The following GRIN2A variants were observed in gnomAD, a reference collection of about 807,000 sequenced individuals.
The protein encoded by GRIN2A is glutamate ionotropic receptor NMDA type subunit 2A, also known as glutamate receptor ionotropic, NMDA 2A.
A neutral mutation model predicts 113.4 loss-of-function variants in GRIN2A; 22 were observed. That is an observed-to-expected ratio of 0.19 (90% CI 0.14 to 0.28). The LOEUF is 0.28. Ranked by LOEUF, GRIN2A falls within the 10% of genes least tolerant of loss-of-function variation. The probability of loss-of-function intolerance (pLI) is 1.00; values close to 1 mark genes in which losing one functional copy is unlikely to be tolerated. For missense variants in GRIN2A, 1,502 were observed against 1,887.0 expected, an observed-to-expected ratio of 0.80 and a Z score of 3.78; for synonymous variants, 827 against 738.4, an observed-to-expected ratio of 1.12 and a Z score of -1.94.
At chr16:9,787,665 G>A (rs1430523039) in intron 11 of GRIN2A, among the ~76,000 whole-genome samples, 2 of 152,216 alleles carry the variant, frequency 1.3e-5, no homozygotes. Flanking sequence ...CAAGGACTGA[G>A]ATGATTTTGT....
At chr16:10,105,203 C>A (rs146369362) in intron 2 of GRIN2A, among the ~76,000 whole-genome samples, 1,815 of 152,182 alleles carry the variant, frequency 0.012, 32 homozygotes, top group African/African-American at 0.04. Context: ...GACAAAAAGC[C>A]TAAGGATCCT....
intron 11 of GRIN2A, among the ~76,000 whole-genome samples, chr16:9,787,418 T>G (rs1596405228): frequency 6.6e-6 from 1 of 152,216 alleles, no homozygotes. Context: ...CTACCCCACT[T>G]CGGGTTATCC....
chr16:9,754,969 A>T lies in GRIN2A; in HGVS notation c.*8180T>A. Reference sequence around the variant, plus strand: ...AATTAACCTCATTAATTTGAAAGGCAGCTGTGGTATTGGCTATGAGTTATG... The same window carrying T: ...AATTAACCTCATTAATTTGAAAGGCTGCTGTGGTATTGGCTATGAGTTATG... On this transcript the variant is annotated 3_prime_UTR_variant, in exon 13 of 13. Coordinates refer to ENST00000330684, the MANE Select transcript of GRIN2A (RefSeq NM_001134407.3). 1 of 210,204 alleles carries T rather than the reference A, an allele frequency of 4.8e-6. No homozygotes were observed. Among genetic ancestry groups the T allele is most frequent in the East Asian group, 7.2e-5 (1 of 13,940 alleles). The allele number at this position is 210,204 out of a possible 1,614,324, so 13.0% of individuals were successfully genotyped here.
intron 11 of GRIN2A, among the ~76,000 whole-genome samples, chr16:9,782,272 G>A (rs764321674): frequency 5.3e-5 from 8 of 152,038 alleles, no homozygotes; most frequent in Non-Finnish European, 1.2e-4. Context: ...ATTGCATTAG[G>A]TATTATAAGT....
intron 2 of GRIN2A, among the ~76,000 whole-genome samples, chr16:9,966,077 A>G (rs1458229650): frequency 1.3e-5 from 2 of 152,182 alleles, no homozygotes; most frequent in East Asian, 3.9e-4. Flanking sequence ...GCACTTATAG[A>G]GAATTGATCT....
chr16:9,953,248 T>G (rs1388187196), intron 2 of GRIN2A, among the ~76,000 whole-genome samples: 2 of 152,032 alleles, frequency 1.3e-5, no homozygotes, highest in Non-Finnish European at 2.9e-5. Flanking sequence ...GCAGGGAGAT[T>G]GGGGAGTGAA....
intron 10 of GRIN2A, among the ~76,000 whole-genome samples, chr16:9,806,094 C>T (rs563849513): frequency 7.9e-5 from 12 of 152,312 alleles, no homozygotes; most frequent in Non-Finnish European, 1.6e-4. Context: ...TTTAATTCCT[C>T]GATCGATGTC....
In GRIN2A at chr16:10,114,561, G is replaced by T. The variant is rs371589990; in HGVS notation, c.414+65437C>A. 2.0e-5 allele frequency among the ~76,000 whole-genome samples: 3 copies of T among 152,292 alleles called. No individual in the cohort carries two copies. The East Asian group carries it at 5.8e-4, about 29-fold the overall frequency. The stretch of plus-strand genomic sequence containing the variant: ...GTGTCCCCAGAAACCCGCAGGCACC[G>T]GTCCCAGCGATCCCAGGAAGTGAAT... On this transcript the variant is annotated intron_variant, in intron 2 of 12. Transcript: ENST00000330684.
chr16:10,103,518 T>C (rs564582654), intron 2 of GRIN2A, among the ~76,000 whole-genome samples: 1 of 152,296 alleles, frequency 6.6e-6, no homozygotes, highest in South Asian at 2.1e-4. Context: ...CTTCTTGAAG[T>C]TTTATGGCTA....
At chr16:10,026,882 T>A (rs1185460639) in intron 2 of GRIN2A, among the ~76,000 whole-genome samples, 1 of 152,178 alleles carries the variant, frequency 6.6e-6, no homozygotes, top group East Asian at 1.9e-4. Context: ...CCCCTCTCTT[T>A]CTCAATCACA....
chr16:9,921,430 C>T (rs1243034209), intron 3 of GRIN2A, among the ~76,000 whole-genome samples: 2 of 152,140 alleles, frequency 1.3e-5, no homozygotes, highest in Non-Finnish European at 2.9e-5. Context: ...AGATCGGGTG[C>T]TAAAGCCAGA....
At chr16:10,023,798 G>C (rs967906852) in intron 2 of GRIN2A, among the ~76,000 whole-genome samples, 8 of 152,310 alleles carry the variant, frequency 5.3e-5, no homozygotes, top group East Asian at 1.9e-4. Flanking sequence ...TTGTCATGCA[G>C]TGTCTCAGTT....
At chr16:9,810,170 C>A (rs914576005) in intron 10 of GRIN2A, among the ~76,000 whole-genome samples, 4 of 152,164 alleles carry the variant, frequency 2.6e-5, no homozygotes, top group Non-Finnish European at 4.4e-5. Flanking sequence ...ACAATTACCA[C>A]CTGATGGTGG....
At chr16:10,068,389 G>C (rs1429179462) in intron 2 of GRIN2A, among the ~76,000 whole-genome samples, 1 of 152,224 alleles carries the variant, frequency 6.6e-6, no homozygotes, top group Non-Finnish European at 1.5e-5. Flanking sequence ...TTCTGGGGAG[G>C]CCTCAGGAAG....
chr16:9,814,913 G>A (rs145026039), intron 10 of GRIN2A, among the ~76,000 whole-genome samples: 3,200 of 151,962 alleles, frequency 0.021, 127 homozygotes, highest in African/African-American at 0.074. Flanking sequence ...CCAGCTACTC[G>A]GGAAGGCTGA....
intron 2 of GRIN2A, among the ~76,000 whole-genome samples, chr16:10,018,452 G>C (rs1005996009): frequency 4.6e-5 from 7 of 152,182 alleles, no homozygotes; most frequent in Non-Finnish European, 1.0e-4. Flanking sequence ...TCACCAAAAC[G>C]TGAAAGGGGA....
chr16:9,839,027 A>G lies in GRIN2A; in HGVS notation c.1651+1620T>C, dbSNP rs991850162. Reference sequence around the variant, plus strand: ...ATATAATTCGTCCATATAACCAAAAATCACTTGTACCCCTGAGCTATTGAA... The same window carrying G: ...ATATAATTCGTCCATATAACCAAAAGTCACTTGTACCCCTGAGCTATTGAA... On this transcript the variant is annotated intron_variant, in intron 7 of 12. Coordinates refer to ENST00000330684, the MANE Select transcript of GRIN2A (RefSeq NM_001134407.3). Among the ~76,000 whole-genome samples, 36 of 152,204 alleles carry G rather than the reference A, an allele frequency of 2.4e-4. 1 individual carries two copies. Among genetic ancestry groups the G allele is most frequent in the African/African-American group, 4.6e-4 (19 of 41,454 alleles).
intron 2 of GRIN2A, among the ~76,000 whole-genome samples, chr16:10,134,685 T>A (rs1222260340): frequency 6.6e-6 from 1 of 152,164 alleles, no homozygotes; most frequent in Non-Finnish European, 1.5e-5. Flanking sequence ...TCTTCTCTGT[T>A]CCCTTCTGTC....
At chr16:9,794,011 C>G (rs910683839) in intron 11 of GRIN2A, among the ~76,000 whole-genome samples, 2 of 152,214 alleles carry the variant, frequency 1.3e-5, no homozygotes, top group African/African-American at 4.8e-5. Flanking sequence ...ACGAAAACAT[C>G]TGTTTCTCAG....
Sources: allele counts gnomAD v4.1 joint callset (sites outside exome capture counted in the v4.1 genomes callset), GRCh38; gene constraint gnomAD v4.1.1; transcripts MANE v1.5; gene names NCBI Gene and HGNC (gene_info 2026-07-23, HGNC 2026-07-21).